DPP10: variants seen among roughly 807,000 people sequenced by gnomAD.
DPP10 encodes the protein dipeptidyl peptidase like 10, also known as inactive dipeptidyl peptidase 10.
Under a neutral mutation model 120.9 loss-of-function variants are expected in DPP10, and 33 were observed. The observed-to-expected ratio is 0.27, with a 90% CI of 0.21 to 0.37. DPP10 has a LOEUF of 0.37. Ranked by LOEUF, DPP10 falls within the 10% of genes least tolerant of loss-of-function variation. The probability of loss-of-function intolerance (pLI) is 1.00; values close to 1 mark genes in which losing one functional copy is unlikely to be tolerated. For synonymous variants in DPP10, 337 were observed against 326.1 expected, an observed-to-expected ratio of 1.03 and a Z score of -0.36; for missense variants, 816 against 942.8, an observed-to-expected ratio of 0.87 and a Z score of 1.76.
intron 1 of DPP10, among the ~76,000 whole-genome samples, chr2:114,470,307 A>C (rs937696184): frequency 6.6e-6 from 1 of 152,210 alleles, no homozygotes; most frequent in African/African-American, 2.4e-5. Context: ...AGGATTCACT[A>C]TGACAATTTT....
intron 1 of DPP10, among the ~76,000 whole-genome samples, chr2:114,521,466 TAGAA>T (rs1685044410): frequency 6.6e-6 from 1 of 151,756 alleles, no homozygotes; most frequent in African/African-American, 2.4e-5. Flanking sequence ...ACAAAAAAAT[TAGAA>T]AGCGATTAGA....
At chr2:115,162,017 C>A in intron 1 of DPP10, 1 of 1,385,014 alleles carries the variant, frequency 7.2e-7, no homozygotes, top group South Asian at 1.7e-5. Flanking sequence ...CCAGGCGCAG[C>A]CGGCGGACCA....
intron 1 of DPP10, among the ~76,000 whole-genome samples, chr2:115,227,327 A>T (rs2057483677): frequency 6.6e-6 from 1 of 152,194 alleles, no homozygotes. Flanking sequence ...TTCAGAGTAC[A>T]TTAAATCATG....
At chr2:115,391,629 TAAAA>T (rs990918592) in intron 3 of DPP10, among the ~76,000 whole-genome samples, 14 of 151,868 alleles carry the variant, frequency 9.2e-5, no homozygotes, top group Non-Finnish European at 2.9e-5. Context: ...AAATATAAAA[TAAAA>T]AAGATGTTTA....
In DPP10 at chr2:114,926,850, A is replaced by ATTT. The variant is rs11450459; in HGVS notation, c.61-382373_61-382371dup. Among the ~76,000 whole-genome samples the ATTT allele has an allele frequency of 1.6e-3, 213 of 136,552 alleles. 6 individuals are homozygous for ATTT. The highest frequency in any genetic ancestry group is 4.0e-3 in the Middle Eastern group (1 of 250). The allele number at this position is 136,552 out of a possible 152,430, so 89.6% of individuals were successfully genotyped here. A position where few individuals can be genotyped will look rare whatever the true frequency, so the allele number is the denominator to read the frequency against. On this transcript the variant is annotated intron_variant, in intron 1 of 25. Transcript: ENST00000410059. Reference sequence around the variant, plus strand: ...CCTTTTGAGCTTGGGGGAAGATACAATTTTTTTTTTTTTTTTTTGAGACAG... The same window carrying ATTT: ...CCTTTTGAGCTTGGGGGAAGATACAATTTTTTTTTTTTTTTTTTTTTGAGACAG...
At chr2:114,692,525 C>T (rs960637104) in intron 1 of DPP10, among the ~76,000 whole-genome samples, 1 of 150,838 alleles carries the variant, frequency 6.6e-6, no homozygotes, top group African/African-American at 2.4e-5. Flanking sequence ...TTTTAAAGTG[C>T]CATGTGGTGA....
At chr2:115,500,009 CAGAT>C (rs1400469714) in intron 4 of DPP10, among the ~76,000 whole-genome samples, 1 of 151,976 alleles carries the variant, frequency 6.6e-6, no homozygotes. Flanking sequence ...TTTTCTGGAT[CAGAT>C]AGAAAGGCTT....
rs977308569 is a variant in DPP10 at position 114,862,478 on chromosome 2, C to T, written c.60+419640C>T. On this transcript the variant is annotated intron_variant, in intron 1 of 25. Transcript: ENST00000410059. Reference sequence around the variant, plus strand: ...ACACTCGGGAAGCTGATGCTGACAACATTTTTGGCAGATGGACTGTGATTT... The same window carrying T: ...ACACTCGGGAAGCTGATGCTGACAATATTTTTGGCAGATGGACTGTGATTT... Among the ~76,000 whole-genome samples, 3 of 152,024 alleles carry T rather than the reference C, an allele frequency of 2.0e-5. No individual in the cohort carries two copies. In the South Asian group the frequency reaches 6.2e-4, roughly 32 times the overall value.
chr2:115,649,847 A>T (rs1394425162), intron 5 of DPP10, among the ~76,000 whole-genome samples: 1 of 152,090 alleles, frequency 6.6e-6, no homozygotes, highest in African/African-American at 2.4e-5. Context: ...TTTATCTCCC[A>T]ACTAGCCACC....
At chr2:115,649,962 GT>G (rs1299834042) in intron 5 of DPP10, among the ~76,000 whole-genome samples, 1 of 151,944 alleles carries the variant, frequency 6.6e-6, no homozygotes, top group East Asian at 1.9e-4. Context: ...AGACATATGT[GT>G]TTTGTTTACA....
chr2:115,420,000 G>A (rs2069792185), intron 3 of DPP10, among the ~76,000 whole-genome samples: 1 of 152,142 alleles, frequency 6.6e-6, no homozygotes, highest in Non-Finnish European at 1.5e-5. Flanking sequence ...GGGAAAAAAT[G>A]TGTTATGGAA....
chr2:115,543,367 A>G (rs2079292779), intron 5 of DPP10, among the ~76,000 whole-genome samples: 1 of 152,074 alleles, frequency 6.6e-6, no homozygotes, highest in Admixed American at 6.6e-5. Context: ...AAAGCTCAGG[A>G]CATCAAAGTT....
intron 1 of DPP10, among the ~76,000 whole-genome samples, chr2:114,662,611 A>G (rs1697515564): frequency 6.6e-6 from 1 of 152,146 alleles, no homozygotes; most frequent in African/African-American, 2.4e-5. Flanking sequence ...AACACGGTCC[A>G]GGGAGGCTGG....
chr2:114,603,254 G>A (rs1162241417), intron 1 of DPP10, among the ~76,000 whole-genome samples: 3 of 151,912 alleles, frequency 2.0e-5, no homozygotes, highest in South Asian at 2.1e-4. Flanking sequence ...AGATAAATAG[G>A]TTCAATTTTC....
At chr2:114,485,260 C>CT (rs1558802516) in intron 1 of DPP10, among the ~76,000 whole-genome samples, 1 of 152,102 alleles carries the variant, frequency 6.6e-6, no homozygotes, top group East Asian at 1.9e-4. Context: ...AGGACAGCTG[C>CT]CGTTCTACAA....
chr2:115,501,452 G>C (rs1364167968), intron 4 of DPP10, among the ~76,000 whole-genome samples: 7 of 151,954 alleles, frequency 4.6e-5, no homozygotes. Context: ...TTGTGTTTCT[G>C]TGTTATATCT....
At chr2:114,473,255 G>A (rs1680086359) in intron 1 of DPP10, among the ~76,000 whole-genome samples, 1 of 152,188 alleles carries the variant, frequency 6.6e-6, no homozygotes, top group East Asian at 1.9e-4. Context: ...AGTATGAGGT[G>A]TATGGTAGCC....
In DPP10 at chr2:115,689,862, C is replaced by T. The variant is rs2091212488; in HGVS notation, c.517C>T (p.Pro173Ser). 6.2e-7 allele frequency: 1 copy of T among 1,613,678 alleles called. No individual in the cohort carries two copies. Among genetic ancestry groups the T allele is most frequent in the African/African-American group, 1.3e-5 (1 of 74,842 alleles). Reference protein sequence around the residue: ...HTREVWELNPPEVEDSVLQYA... With the variant: ...HTREVWELNPSEVEDSVLQYA... ...AAGGGAAGTTTGGGAGTTAAATCCT[C>T]CAGAAGTAGAGGACTCCGTCTTGCA... The change falls in exon 7 of 26, where the codon CCA (proline) becomes TCA (serine). Residue 173 changes from proline to serine, a missense_variant. By Grantham distance (74) the Pro-to-Ser change is moderately conservative. Transcript: ENST00000410059.
intron 1 of DPP10, among the ~76,000 whole-genome samples, chr2:114,757,062 G>T (rs1679819225): frequency 6.8e-6 from 1 of 146,626 alleles, no homozygotes; most frequent in Non-Finnish European, 1.5e-5. Context: ...GAGGGAGAAA[G>T]AAATGAAGAA....
Sources: gnomAD v4.1 joint callset for allele counts (sites outside exome capture counted in the v4.1 genomes callset) on GRCh38, gnomAD v4.1.1 for gene constraint, MANE v1.5 for transcripts, NCBI Gene and HGNC (gene_info 2026-07-23, HGNC 2026-07-21) for gene names.